Variants in ABCB9 observed in about 807,000 individuals in gnomAD.
The protein encoded by ABCB9 is ABC-type oligopeptide transporter ABCB9.
ABCB9 carries 36 observed loss-of-function variants against 62.0 expected under a neutral mutation model. That is an observed-to-expected ratio of 0.58 (90% CI 0.45 to 0.77). The LOEUF is 0.77. Ranked by LOEUF, ABCB9 falls within the 30% of genes least tolerant of loss-of-function variation. The pLI, the probability that ABCB9 is intolerant of heterozygous loss-of-function variation, is 0.00. For missense variants in ABCB9, 943 were observed against 1,054.7 expected (o/e 0.89, Z 1.47); for synonymous variants, 435 against 461.4 (o/e 0.94, Z 0.73).
chr12:122,952,994 C>G (rs1216836502), intron 2 of ABCB9: 1 of 152,184 alleles, frequency 6.6e-6, no homozygotes, highest in East Asian at 1.9e-4. Flanking sequence ...AGTCCAAATC[C>G]CCCTTCTCAT....
chr12:122,936,689 G>T (rs1433758030), intron 9 of ABCB9, among the ~76,000 whole-genome samples: 1 of 152,074 alleles, frequency 6.6e-6, no homozygotes, highest in Non-Finnish European at 1.5e-5. Flanking sequence ...CGGATCACCT[G>T]AGGTCAAGAG....
rs372536697 is a variant in ABCB9, at chr12:122,950,480, G to A, written c.687C>T (p.Val229=). 35 of 1,612,654 alleles carry A rather than the reference G, an allele frequency of 2.2e-5. No homozygotes were observed. Among genetic ancestry groups the A allele is most frequent in the Non-Finnish European group, 2.6e-5 (31 of 1,179,888 alleles). ...QKSMDQFSTA[V]VIVCLLAIGS... is the part of the protein sequence containing the mutation. ...CAATGGCCAGCAGGCACACGATGAC[G>A]ACAGCCGTGCTGAACTGATCCATGC... The change falls in exon 3 of 12, where the codon GTC becomes GTT. Residue 229 remains valine (V), a synonymous_variant. Transcript: ENST00000280560.
In ABCB9 at chr12:122,947,476, C is replaced by G; in HGVS notation, c.1053+1148G>C. Reference sequence around the variant, plus strand: ...CAATGGAGCTGCGACAATGACTTACCCGGCACCACCTGGAGGCCGTCATGC... The same window carrying G: ...CAATGGAGCTGCGACAATGACTTACGCGGCACCACCTGGAGGCCGTCATGC... On this transcript the variant is annotated intron_variant, in intron 5 of 11. Coordinates refer to ENST00000280560, the MANE Select transcript of ABCB9 (RefSeq NM_019625.4). This position sits in a 1 kb window ranked among gnomAD's most constrained non-coding sequence, Gnocchi z 6.0. The G allele has an allele frequency of 2.2e-6, 1 of 454,962 alleles. No individual in the cohort carries two copies. The highest frequency in any genetic ancestry group is 4.4e-6 in the Non-Finnish European group (1 of 226,160). 28.2% of individuals were successfully genotyped at this position (454,962 alleles called of 1,614,324 possible).
chr12:122,963,484 C>A (rs1331429362), intron 1 of ABCB9, among the ~76,000 whole-genome samples: 3 of 152,134 alleles, frequency 2.0e-5, no homozygotes, highest in African/African-American at 7.2e-5. Flanking sequence ...TCATTATCCC[C>A]ATTTTACAGT....
chr12:122,942,445 A>G (rs933540343), intron 7 of ABCB9, among the ~76,000 whole-genome samples: 11 of 139,712 alleles, frequency 7.9e-5, no homozygotes, highest in African/African-American at 3.7e-4. Context: ...ATTTTGTACT[A>G]AATTTTGTAC....
At chr12:122,919,487 T>G (rs1455373100), downstream of ABCB9, among the ~76,000 whole-genome samples, 1 of 152,066 alleles carries the variant, frequency 6.6e-6, no homozygotes, top group Non-Finnish European at 1.5e-5. Flanking sequence ...TTGAGCTTTT[T>G]GAGGAAGTGC....
intron 2 of ABCB9, among the ~76,000 whole-genome samples, chr12:122,953,513 G>T (rs752227462): frequency 6.6e-6 from 1 of 152,024 alleles, no homozygotes; most frequent in South Asian, 2.1e-4. Context: ...TCAGCCTCCC[G>T]AGTAGCTGGG....
downstream of ABCB9, among the ~76,000 whole-genome samples, chr12:122,919,948 C>G (rs887206914): frequency 2.7e-5 from 4 of 150,378 alleles, no homozygotes; most frequent in African/African-American, 9.7e-5. Flanking sequence ...ACTCTGTCGT[C>G]CAGGCTGGAG....
rs774975645 is a variant in ABCB9 at position 122,932,218 on chromosome 12, C to T, written c.2014G>A (p.Ala672Thr). 23 of 1,552,706 alleles carry T rather than the reference C, an allele frequency of 1.5e-5. No homozygotes were observed. Among genetic ancestry groups the T allele is most frequent in the Admixed American group, 9.8e-5 (5 of 51,168 alleles). Residue 672 changes from alanine to threonine, a missense_variant, in exon 11 of 12, where the codon GCT becomes ACT. Transcript: ENST00000280560. This position sits in a 1 kb window ranked among gnomAD's most constrained non-coding sequence, Gnocchi z 4.7. Reference protein sequence around the residue: ...PVLILDEATSALDAESEYLIQ... With the variant: ...PVLILDEATSTLDAESEYLIQ... Reference sequence around the variant, plus strand: ...AGATACTCGCTCTCGGCATCCAAAGCGCTGGTGGCTTCATCCAGGATGAGG... The same window carrying T: ...AGATACTCGCTCTCGGCATCCAAAGTGCTGGTGGCTTCATCCAGGATGAGG...
intron 4 of ABCB9, chr12:122,949,437 C>T (rs193269688): frequency 8.5e-6 from 2 of 236,660 alleles, no homozygotes; most frequent in East Asian, 1.8e-4. Context: ...GGCCCCTGGC[C>T]CTCACCTGCT....
At chr12:122,920,825 C>T, downstream of ABCB9, 1 of 495,724 alleles carries the variant, frequency 2.0e-6, no homozygotes, top group Non-Finnish European at 3.6e-6. Context: ...AGGTGGGAGG[C>T]TCACTGGAGT....
rs1309284480 is a variant in ABCB9 at position 122,930,411 on chromosome 12, CCTTTT to C, written c.2041-245_2041-241del. 2.7e-5 allele frequency among the ~76,000 whole-genome samples: 4 copies of C among 149,190 alleles called. No individual in the cohort carries two copies. In the East Asian group the frequency reaches 5.8e-4, roughly 22 times the overall value. Reference sequence around the variant, plus strand: ...GTCTTCTGGTCCTTCCCTTCCCCCTCCTTTTTTTTTTTTTTTTTTTTTAAGTCTTG... The same window carrying C: ...GTCTTCTGGTCCTTCCCTTCCCCCTCTTTTTTTTTTTTTTTTTAAGTCTTG... On this transcript the variant is annotated intron_variant, in intron 11 of 11. Transcript: ENST00000280560. The surrounding 1 kb of genome is among the most constrained non-coding windows in gnomAD (Gnocchi z 4.9).
chr12:122,953,878 T>C (rs2036489183), intron 2 of ABCB9, among the ~76,000 whole-genome samples: 1 of 152,112 alleles, frequency 6.6e-6, no homozygotes, highest in Non-Finnish European at 1.5e-5. Flanking sequence ...CACCCAGTAA[T>C]CCTATAGGTT....
At chr12:122,945,986 T>A in intron 6 of ABCB9, 39 bp downstream of exon 6, 1 of 1,579,612 alleles carries the variant, frequency 6.3e-7, no homozygotes. Flanking sequence ...TTGCATCCCA[T>A]CCCTCCACAG....
Position 122,929,569 on chromosome 12 carries a change from A to C in ABCB9, c.*342T>G. ...GGTGAAAGTGCCCGCCATTACTCCC[A>C]ATTAGAAAAAGGTTTTTGAAATCTA... On this transcript the variant is annotated 3_prime_UTR_variant, in exon 12 of 12. Transcript: ENST00000280560. The surrounding 1 kb of genome is among the most constrained non-coding windows in gnomAD (Gnocchi z 6.0). 1 of 1,091,382 alleles carries C rather than the reference A, an allele frequency of 9.2e-7. No homozygotes were observed. The highest frequency in any genetic ancestry group is 1.1e-6 in the Non-Finnish European group (1 of 899,024). 67.6% of individuals were successfully genotyped at this position (1,091,382 alleles called of 1,614,324 possible). A position where few individuals can be genotyped will look rare whatever the true frequency, so the allele number is the denominator to read the frequency against.
chr12:122,927,542 G>C (rs2135741480), downstream of ABCB9, among the ~76,000 whole-genome samples: 1 of 152,314 alleles, frequency 6.6e-6, no homozygotes, highest in South Asian at 2.1e-4. Flanking sequence ...AGGTTCTTTT[G>C]TCTGCCTATG....
At chr12:122,970,405 G>A (rs371334214), upstream of ABCB9, among the ~76,000 whole-genome samples, 6 of 151,916 alleles carry the variant, frequency 3.9e-5, no homozygotes, top group South Asian at 2.1e-4. Context: ...ATGCCACCAC[G>A]CCTGGCTAAT....
rs2035909181 is a variant in ABCB9 at position 122,944,143 on chromosome 12, G to A, written c.1380+248C>T. Among the ~76,000 whole-genome samples the A allele has an allele frequency of 6.6e-6, 1 of 152,082 alleles. No individual in the cohort carries two copies. The highest frequency in any genetic ancestry group is 2.4e-5 in the African/African-American group (1 of 41,396). On this transcript the variant is annotated intron_variant, in intron 7 of 11. Coordinates refer to ENST00000280560, the MANE Select transcript of ABCB9 (RefSeq NM_019625.4). The surrounding 1 kb of genome is among the most constrained non-coding windows in gnomAD (Gnocchi z 4.9). ...GGGGTTTCACCATGTTGGCCAGGCT[G>A]GTCTCGAACTCCTGACCTCAAGTGA...
chr12:122,952,821 C>T (rs2135877266), intron 2 of ABCB9: 1 of 152,400 alleles, frequency 6.6e-6, no homozygotes, highest in Non-Finnish European at 1.5e-5. Flanking sequence ...AACCTGACCA[C>T]TTTCACTGCC....
Sources: gnomAD v4.1 joint callset for allele counts (sites outside exome capture counted in the v4.1 genomes callset) on GRCh38, gnomAD v4.1.1 for gene constraint, Gnocchi (gnomAD v3.1) non-coding constraint, MANE v1.5 for transcripts, NCBI Gene and HGNC (gene_info 2026-07-23, HGNC 2026-07-21) for gene names.